DMWD: variants seen among roughly 807,000 people sequenced by gnomAD.
DMWD encodes dystrophia myotonica WD repeat-containing protein.
DMWD carries 19 observed loss-of-function variants against 45.8 expected under a neutral mutation model. The observed-to-expected ratio is 0.41, with a 90% confidence interval of 0.29 to 0.61. DMWD has a LOEUF of 0.61. DMWD is among the 20% of genes least tolerant of loss of function. DMWD has a pLI of 0.25. For synonymous variants in DMWD, 515 were observed against 440.5 expected (o/e 1.17, Z -2.12); for missense variants, 802 against 965.2 (o/e 0.83, Z 2.24).
chr19:45,784,471 C>T (rs938398041), intron 4 of DMWD, 170 bp downstream of exon 4: 1 of 1,312,900 alleles, frequency 7.6e-7, no homozygotes, highest in African/African-American at 1.5e-5. Flanking sequence ...TCTTAGCTAG[C>T]TTCCTGTCCT....
chr19:45,785,824 C>T lies in DMWD; in HGVS notation c.1672G>A (p.Gly558Ser). The T allele has an allele frequency of 6.2e-7, 1 of 1,610,882 alleles. No individual in the cohort carries two copies. The highest frequency in any genetic ancestry group is 8.5e-7 in the Non-Finnish European group (1 of 1,179,632). Reference protein sequence around the residue: ...NISRGGSGGSGSGGEKPSGPV... With the variant: ...NISRGGSGGSSSGGEKPSGPV... The stretch of plus-strand genomic sequence containing the variant: ...CCGCTGGGCTTCTCCCCACCACTGC[C>T]ACTGCCGCCACTGCCACCCCGGCTG... The change falls in exon 3 of 5, where the codon GGC (glycine) becomes AGC (serine). Residue 558 changes from glycine to serine, a missense_variant. Coordinates refer to ENST00000270223, the MANE Select transcript of DMWD (RefSeq NM_004943.2).
At chr19:45,790,565 A>C (rs1970343541) in intron 2 of DMWD, 1 of 163,638 alleles carries the variant, frequency 6.1e-6, no homozygotes, top group African/African-American at 2.4e-5. Context: ...AGGCAGGAGA[A>C]TGGCATGAAC....
At chr19:45,789,750 G>T (rs964197663) in intron 2 of DMWD, 8 of 152,308 alleles carry the variant, frequency 5.3e-5, no homozygotes, top group African/African-American at 1.9e-4. Flanking sequence ...GGGCGCGGTG[G>T]CTCATGCCTG....
chr19:45,786,119 G>A lies in DMWD; in HGVS notation c.1377C>T (p.Thr459=), dbSNP rs527334454. 8 of 1,538,824 alleles carry A rather than the reference G, an allele frequency of 5.2e-6. No individual in the cohort carries two copies. The South Asian group carries it at 8.6e-5, about 17-fold the overall frequency. Residue 459 remains threonine (T), a synonymous_variant, in exon 3 of 5, where the codon ACC becomes ACT. Transcript: ENST00000270223. ...TGCCAGGTGTGCCAGGGAGGGTGCGGGTGCGGGCCAGGGGGGGGTGCGGGT... is the reference window on the plus strand; with the variant it reads ...TGCCAGGTGTGCCAGGGAGGGTGCGAGTGCGGGCCAGGGGGGGGTGCGGGT... ...VLYPHPPLAR[T]RTLPGTPGTT...
At position 45,786,182 on chromosome 19, in the gene DMWD, C is replaced by A. The variant is rs369134551; in HGVS notation, c.1314G>T (p.Thr438=). 5 of 1,603,368 alleles carry A rather than the reference C, an allele frequency of 3.1e-6. No individual in the cohort carries two copies. The highest frequency in any genetic ancestry group is 4.3e-6 in the Non-Finnish European group (5 of 1,175,594). ...TYRFGSAGQD[T]QFCLWDLTED... ...CAGTGAGGTCCCACAGGCAGAACTG[C>A]GTGTCCTGGCCCGCCGAGCCAAAGC... Residue 438 remains threonine, a synonymous_variant, in exon 3 of 5, where the codon ACG becomes ACT. Transcript: ENST00000270223.
intron 3 of DMWD, chr19:45,785,114 G>A (rs1332328593): frequency 1.0e-6 from 1 of 1,001,534 alleles, no homozygotes; most frequent in Non-Finnish European, 1.2e-6. Flanking sequence ...TGGAACCCAG[G>A]CCTGGGATTC....
At chr19:45,784,325 A>G in intron 4 of DMWD, 35 bp from the exon 5 acceptor site, 1 of 1,500,868 alleles carries the variant, frequency 6.7e-7, no homozygotes, top group South Asian at 1.4e-5. Flanking sequence ...GGGAGGGGTT[A>G]GAGACCACCT....
rs1235266011 is a variant in DMWD, at chr19:45,784,172, T to A, written c.*71A>T. ...TTAGTCTTGTTAATACGTTGATCTG[T>A]GAGGTCAGCAGGGAGGGTTATGGCT... On this transcript the variant is annotated 3_prime_UTR_variant, in exon 5 of 5. Transcript: ENST00000270223. 7.6e-7 allele frequency: 1 copy of A among 1,311,982 alleles called. No homozygotes were observed. The highest frequency in any genetic ancestry group is 1.6e-5 in the African/African-American group (1 of 62,868). 81.3% of individuals were successfully genotyped at this position (1,311,982 alleles called of 1,614,324 possible).
At position 45,786,757 on chromosome 19, in the gene DMWD, A is replaced by C. The variant is rs1600463311; in HGVS notation, c.739T>G (p.Cys247Gly). ...HLYLYNVSHP[C>G]ASAPPQYSLL... ...CTGTACTGGGGCGGGGCCGAGGCGCAGGGGTGGCTGACGTTGTACAGGTAC... is the reference window on the plus strand; with the variant it reads ...CTGTACTGGGGCGGGGCCGAGGCGCCGGGGTGGCTGACGTTGTACAGGTAC... The change falls in exon 3 of 5, where the codon TGC becomes GGC. Residue 247 changes from cysteine to glycine, a missense_variant. Transcript: ENST00000270223. 1 of 1,614,130 alleles carries C rather than the reference A, an allele frequency of 6.2e-7. No homozygotes were observed. The highest frequency in any genetic ancestry group is 2.2e-5 in the East Asian group (1 of 44,876).
intron 3 of DMWD, 39 bp downstream of exon 3, chr19:45,785,555 C>T (rs762559342): frequency 7.6e-6 from 11 of 1,442,344 alleles, no homozygotes; most frequent in Non-Finnish European, 1.0e-5. Context: ...CACGAAAGGT[C>T]CTGCCAGGTC....
intron 2 of DMWD, among the ~76,000 whole-genome samples, chr19:45,787,685 G>A (rs539211373): frequency 3.9e-5 from 6 of 152,294 alleles, no homozygotes; most frequent in South Asian, 2.1e-4. Flanking sequence ...CCCCCATCCC[G>A]CTAGGTGCTT....
rs1678256441 is a variant in DMWD at position 45,785,938 on chromosome 19, T to C, written c.1558A>G (p.Ile520Val). 6.3e-7 allele frequency: 1 copy of C among 1,597,134 alleles called. No individual in the cohort carries two copies. The highest frequency in any genetic ancestry group is 1.1e-5 in the South Asian group (1 of 90,388). ...VAAEPGTPFS[I>V]GRFATLTLQE... Reference sequence around the variant, plus strand: ...AGTGTGAGCGTGGCGAAGCGGCCAATGCTGAATGGTGTGCCAGGCTCTGCC... The same window carrying C: ...AGTGTGAGCGTGGCGAAGCGGCCAACGCTGAATGGTGTGCCAGGCTCTGCC... Residue 520 changes from isoleucine to valine, a missense_variant, in exon 3 of 5, where the codon ATT (isoleucine) becomes GTT (valine). This residue lies in a region of DMWD where 303 missense variants were observed against 332.9 expected (regional missense o/e 0.91). Coordinates refer to ENST00000270223, the MANE Select transcript of DMWD (RefSeq NM_004943.2).
Position 45,784,238 on chromosome 19 carries a change from T to G in DMWD, c.*5A>C, listed in dbSNP as rs201600475. 177 of 1,555,980 alleles carry G rather than the reference T, an allele frequency of 1.1e-4. No homozygotes were observed. The highest frequency in any genetic ancestry group is 1.0e-3 in the Middle Eastern group (6 of 5,760). ...TGGGGTTGGGGGGGCCCGATATCCATGGCTTCACACCACTGTGCCACTCGG... is the reference window on the plus strand; with the variant it reads ...TGGGGTTGGGGGGGCCCGATATCCAGGGCTTCACACCACTGTGCCACTCGG... On this transcript the variant is annotated 3_prime_UTR_variant, in exon 5 of 5. Coordinates refer to ENST00000270223, the MANE Select transcript of DMWD (RefSeq NM_004943.2).
rs1022478634 is a variant in DMWD, at chr19:45,785,800, C to T, written c.1696G>A (p.Gly566Ser). The stretch of plus-strand genomic sequence containing the variant: ...TCCAGGCGGCTGCGGGGAACAGGGC[C>T]GCTGGGCTTCTCCCCACCACTGCCA... ...GSGSGGEKPS[G>S]PVPRSRLDPA... The change falls in exon 3 of 5, where the codon GGC (glycine) becomes AGC (serine). Residue 566 changes from glycine (G) to serine (S), a missense_variant. Gly to Ser is a moderately conservative substitution (Grantham distance 56, BLOSUM62 0). Around this residue, in one of 9 missense-constraint regions of DMWD, gnomAD observed 303 missense variants for 332.9 expected, o/e 0.91. Coordinates refer to ENST00000270223, the MANE Select transcript of DMWD (RefSeq NM_004943.2). 9.3e-6 allele frequency: 15 copies of T among 1,611,740 alleles called. No homozygotes were observed. The African/African-American group carries it at 1.5e-4, about 16-fold the overall frequency.
In DMWD at chr19:45,792,406, C is replaced by CGCGGGCGTG; in HGVS notation, c.342_350dup (p.Thr115_Ala117dup). The CGCGGGCGTG allele has an allele frequency of 6.3e-7, 1 of 1,590,526 alleles. No individual in the cohort carries two copies. Among genetic ancestry groups the CGCGGGCGTG allele is most frequent in the Non-Finnish European group, 8.6e-7 (1 of 1,169,326 alleles). ...CGCGGTCTCCCCCCGAGCCCAGCCC[C>CGCGGGCGTG]GCGGGCGTGGCGGGCGGCTCCCCGG... On this transcript the variant is annotated inframe_insertion, in exon 1 of 5. Coordinates refer to ENST00000270223, the MANE Select transcript of DMWD (RefSeq NM_004943.2).
At chr19:45,792,278 C>T (rs1266266706) in intron 1 of DMWD, 38 bp downstream of exon 1, 3 of 1,587,830 alleles carry the variant, frequency 1.9e-6, no homozygotes, top group African/African-American at 1.4e-5. Flanking sequence ...AACCTCCATC[C>T]TTTCAGCACC....
At chr19:45,786,997 G>A (rs760196757) in intron 2 of DMWD, 126 bp from the exon 3 acceptor site, 1 of 1,456,936 alleles carries the variant, frequency 6.9e-7, no homozygotes. Context: ...GCCACACCAG[G>A]CCCAGGTCCT....
Position 45,792,448 on chromosome 19 carries a change from C to T in DMWD, c.309G>A (p.Glu103=). ...GCTCCCCGGCCCCGGCGCTGTCCGG[C>T]TCCCCGAGGCGCACGAGGCTGAGGC... The part of the protein sequence containing the change: ...AVRLSLVRLG[E]PDSAGAGEPP... Residue 103 remains glutamate (E), a synonymous_variant, in exon 1 of 5, where the codon GAG becomes GAA. Transcript: ENST00000270223. 4 of 1,494,918 alleles carry T rather than the reference C, an allele frequency of 2.7e-6. No individual in the cohort carries two copies. The highest frequency in any genetic ancestry group is 3.6e-6 in the Non-Finnish European group (4 of 1,120,110). 92.6% of individuals were successfully genotyped at this position (1,494,918 alleles called of 1,614,324 possible). A position where few individuals can be genotyped will look rare whatever the true frequency, so the allele number is the denominator to read the frequency against.
intron 3 of DMWD, chr19:45,785,358 A>C (rs910858068): frequency 3.2e-6 from 4 of 1,234,634 alleles, no homozygotes; most frequent in Non-Finnish European, 4.0e-6. Context: ...GGATGCCCCA[A>C]TTCCTAGCTG....
Sources: allele counts gnomAD v4.1 joint callset (sites outside exome capture counted in the v4.1 genomes callset), GRCh38; gene constraint gnomAD v4.1.1; regional missense constraint gnomAD v4.1.1; transcripts MANE v1.5; gene names NCBI Gene and HGNC (gene_info 2026-07-23, HGNC 2026-07-21).